PAPPA2: variants seen among roughly 807,000 people sequenced by gnomAD.
The protein encoded by PAPPA2 is pappalysin 2, also known as pappalysin-2.
A neutral mutation model predicts 176.4 loss-of-function variants in PAPPA2; 86 were observed. The ratio of observed to expected loss-of-function variants is 0.49; its 90% CI spans 0.41 to 0.58. The LOEUF (loss-of-function observed/expected upper bound fraction) is 0.58. Ranked by LOEUF, PAPPA2 falls within the 20% of genes least tolerant of loss-of-function variation. The probability of loss-of-function intolerance (pLI) is 0.00; values close to 1 mark genes in which losing one functional copy is unlikely to be tolerated. For synonymous variants in PAPPA2, 809 were observed against 852.2 expected, an observed-to-expected ratio of 0.95 and a Z score of 0.88; for missense variants, 2,073 against 2,256.9, an observed-to-expected ratio of 0.92 and a Z score of 1.65.
chr1:176,493,997 C>T (rs1647456725), intron 1 of PAPPA2, among the ~76,000 whole-genome samples: 1 of 152,136 alleles, frequency 6.6e-6, no homozygotes, highest in South Asian at 2.1e-4. Flanking sequence ...ATGCTCAGGT[C>T]TGGGAAACCC....
intron 2 of PAPPA2, among the ~76,000 whole-genome samples, chr1:176,582,438 T>C (rs1051364946): frequency 2.6e-5 from 4 of 152,240 alleles, no homozygotes; most frequent in African/African-American, 9.6e-5. Context: ...TTCAGTACGA[T>C]ATTAGCGGTC....
intron 1 of PAPPA2, among the ~76,000 whole-genome samples, chr1:176,499,538 TG>T (rs1160353430): frequency 6.6e-6 from 1 of 152,200 alleles, no homozygotes; most frequent in Non-Finnish European, 1.5e-5. Flanking sequence ...GACTGTTTTG[TG>T]TGCTCTGATC....
chr1:176,550,349 T>G (rs571415368), intron 1 of PAPPA2, among the ~76,000 whole-genome samples: 74 of 152,358 alleles, frequency 4.9e-4, no homozygotes, highest in Non-Finnish European at 7.9e-4. Context: ...ATTATTTTTG[T>G]TATGAAGTTG....
chr1:176,816,145 TCA>T (rs1666373350), intron 21 of PAPPA2, among the ~76,000 whole-genome samples: 1 of 118,126 alleles, frequency 8.5e-6, no homozygotes, highest in Non-Finnish European at 1.8e-5. Context: ...TATTTTCCTT[TCA>T]CAGTGTATAT....
At chr1:176,783,690 A>C (rs1181967881) in intron 17 of PAPPA2, among the ~76,000 whole-genome samples, 1 of 152,212 alleles carries the variant, frequency 6.6e-6, no homozygotes, top group Non-Finnish European at 1.5e-5. Context: ...TCACAGAGCA[A>C]GAACGCTCAA....
At chr1:176,687,448 A>G (rs1659889410) in intron 4 of PAPPA2, among the ~76,000 whole-genome samples, 3 of 152,132 alleles carry the variant, frequency 2.0e-5, no homozygotes, top group Admixed American at 6.6e-5. Flanking sequence ...GAAACATCTC[A>G]TTTGGGGTTG....
At chr1:176,575,540 T>C (rs746470542) in intron 2 of PAPPA2, among the ~76,000 whole-genome samples, 39 of 152,176 alleles carry the variant, frequency 2.6e-4, no homozygotes, top group Non-Finnish European at 5.1e-4. Context: ...GCCAGTGCCC[T>C]GCATGCAGTG....
intron 2 of PAPPA2, among the ~76,000 whole-genome samples, chr1:176,582,090 AT>A (rs1347048550): frequency 1.4e-4 from 21 of 147,370 alleles, no homozygotes; most frequent in Admixed American, 4.7e-4. Context: ...CGCCCGGCTA[AT>A]TTTTTTTTTG....
intron 3 of PAPPA2, among the ~76,000 whole-genome samples, chr1:176,639,564 C>T (rs1656947254): frequency 6.6e-6 from 1 of 152,040 alleles, no homozygotes; most frequent in Admixed American, 6.6e-5. Context: ...ATTTTCCCTG[C>T]CTACTTCTTC....
Position 176,677,112 on chromosome 1 carries a change from G to A in PAPPA2, c.2137+5997G>A, listed in dbSNP as rs1450333202. On this transcript the variant is annotated intron_variant, in intron 4 of 22. Transcript: ENST00000367662. The stretch of plus-strand genomic sequence containing the variant: ...TTTGTGTTCTTATTTATTTCTTCTT[G>A]TTCAATCATAACTGATTAAACAAAG... Among the ~76,000 whole-genome samples, 5 of 152,174 alleles carry A rather than the reference G, an allele frequency of 3.3e-5. No individual in the cohort carries two copies. The East Asian group carries it at 9.7e-4, about 29-fold the overall frequency.
At chr1:176,505,120 C>T (rs184023444) in intron 1 of PAPPA2, among the ~76,000 whole-genome samples, 29 of 152,136 alleles carry the variant, frequency 1.9e-4, no homozygotes, top group Non-Finnish European at 3.7e-4. Context: ...TTTCCTAATT[C>T]CTTCCTCCCA....
chr1:176,564,352 CA>C (rs1185177631), intron 2 of PAPPA2, among the ~76,000 whole-genome samples: 1 of 152,182 alleles, frequency 6.6e-6, no homozygotes, highest in East Asian at 1.9e-4. Flanking sequence ...CTTCTTGGGC[CA>C]TGCAGTCTCT....
At chr1:176,495,777 A>G (rs751438139) in intron 1 of PAPPA2, among the ~76,000 whole-genome samples, 1 of 151,162 alleles carries the variant, frequency 6.6e-6, no homozygotes, top group African/African-American at 2.4e-5. Context: ...GTTAGAAAAA[A>G]ATAAATAAAT....
intron 14 of PAPPA2, among the ~76,000 whole-genome samples, chr1:176,763,345 A>G (rs1376959003): frequency 6.6e-6 from 1 of 152,216 alleles, no homozygotes; most frequent in Non-Finnish European, 1.5e-5. Context: ...TTCTTATACC[A>G]CTGGTACTCA....
intron 3 of PAPPA2, among the ~76,000 whole-genome samples, chr1:176,597,648 C>T (rs1654057100): frequency 6.6e-6 from 1 of 151,700 alleles, no homozygotes; most frequent in Admixed American, 6.6e-5. Flanking sequence ...CAAACCTGCA[C>T]GTTCTGCACA....
At chr1:176,827,546 G>A (rs113686683) in intron 21 of PAPPA2, among the ~76,000 whole-genome samples, 1,693 of 152,202 alleles carry the variant, frequency 0.011, 23 homozygotes, top group Non-Finnish European at 0.019. Flanking sequence ...AAATGCTCCA[G>A]GCAGGTCCTC....
intron 3 of PAPPA2, among the ~76,000 whole-genome samples, chr1:176,617,647 C>CATATATATATATATATATATATATAT (rs150600721): frequency 2.7e-5 from 4 of 147,832 alleles, no homozygotes; most frequent in African/African-American, 9.9e-5. Flanking sequence ...TTCCATGGCG[C>CATATATATATATATATATATATATAT]ATATATATAT....
intron 3 of PAPPA2, among the ~76,000 whole-genome samples, chr1:176,633,585 C>T (rs1476058461): frequency 6.6e-6 from 1 of 152,100 alleles, no homozygotes; most frequent in African/African-American, 2.4e-5. Flanking sequence ...CCAGATTTGA[C>T]AGATGAAGAA....
chr1:176,491,488 G>A (rs896609347), intron 1 of PAPPA2, among the ~76,000 whole-genome samples: 1 of 152,174 alleles, frequency 6.6e-6, no homozygotes, highest in Non-Finnish European at 1.5e-5. Flanking sequence ...TCTGGAAAAT[G>A]TAGAGGCTGA....
Sources: gnomAD v4.1 joint callset for allele counts (sites outside exome capture counted in the v4.1 genomes callset) on GRCh38, gnomAD v4.1.1 for gene constraint, MANE v1.5 for transcripts, NCBI Gene and HGNC (gene_info 2026-07-23, HGNC 2026-07-21) for gene names.